Variants in RPS6KC1 observed in about 807,000 individuals in gnomAD.
RPS6KC1 encodes inactive ribosomal protein S6 kinase delta-1.
A neutral mutation model predicts 103.8 loss-of-function variants in RPS6KC1; 54 were observed. The observed-to-expected ratio is 0.52, with a 90% confidence interval of 0.42 to 0.65. RPS6KC1 has a LOEUF of 0.65. RPS6KC1 is among the 30% of genes least tolerant of loss of function. The probability of loss-of-function intolerance (pLI) is 0.00; values close to 1 mark genes in which losing one functional copy is unlikely to be tolerated. For missense variants in RPS6KC1, 1,151 were observed against 1,253.8 expected, an observed-to-expected ratio of 0.92 and a Z score of 1.24; for synonymous variants, 439 against 438.7, an observed-to-expected ratio of 1.00 and a Z score of -0.01.
At chr1:213,111,032 T>TA (rs1405738897) in intron 4 of RPS6KC1, among the ~76,000 whole-genome samples, 1 of 152,058 alleles carries the variant, frequency 6.6e-6, no homozygotes, top group African/African-American at 2.4e-5. Flanking sequence ...GCCTTGCCCT[T>TA]ATATAATTAC....
intron 2 of RPS6KC1, among the ~76,000 whole-genome samples, chr1:213,075,996 G>A (rs529376232): frequency 5.3e-5 from 8 of 152,096 alleles, no homozygotes; most frequent in East Asian, 1.9e-4. Flanking sequence ...TTTTCAAGCC[G>A]TCTTATGATG....
the RPS6KC1 span, among the ~76,000 whole-genome samples, chr1:213,525,593 C>T: frequency 1.3e-5 from 2 of 152,086 alleles, no homozygotes; most frequent in Non-Finnish European, 2.9e-5. Context: ...CCTTCAGACT[C>T]TGCCATACTT....
the RPS6KC1 span, among the ~76,000 whole-genome samples, chr1:213,793,311 C>A: frequency 2.6e-5 from 4 of 152,228 alleles, no homozygotes; most frequent in East Asian, 7.7e-4. Context: ...AAACTCCTCT[C>A]AAAGACACCT....
At position 213,273,940 on chromosome 1, in the gene RPS6KC1, G is replaced by A. The variant is rs1375856321; in HGVS notation, c.*1306G>A. Reference sequence around the variant, plus strand: ...GTTCTAATCTTCTTTGCATTTTTGAGATCTGTGTGAGAGCCCAACCCCACT... The same window carrying A: ...GTTCTAATCTTCTTTGCATTTTTGAAATCTGTGTGAGAGCCCAACCCCACT... On this transcript the variant is annotated 3_prime_UTR_variant, in exon 15 of 15. Coordinates refer to ENST00000366960, the MANE Select transcript of RPS6KC1 (RefSeq NM_012424.6). 1 of 152,000 alleles carries A rather than the reference G, an allele frequency of 6.6e-6. No individual in the cohort carries two copies. The highest frequency in any genetic ancestry group is 1.5e-5 in the Non-Finnish European group (1 of 68,022). 9.4% of individuals were successfully genotyped at this position (152,000 alleles called of 1,614,324 possible).
chr1:213,242,357 A>G (rs2094376308), intron 11 of RPS6KC1, 60 bp downstream of exon 11: 6 of 1,569,864 alleles, frequency 3.8e-6, no homozygotes, highest in African/African-American at 1.4e-5. Context: ...TTAACTGAGT[A>G]GGCGTTTTAT....
At chr1:213,417,809 C>T in the RPS6KC1 span, among the ~76,000 whole-genome samples, 1 of 152,178 alleles carries the variant, frequency 6.6e-6, no homozygotes, top group Non-Finnish European at 1.5e-5. Flanking sequence ...ATAGAACACA[C>T]ACAGGTGAGT....
chr1:213,314,837 T>G, the RPS6KC1 span, among the ~76,000 whole-genome samples: 5 of 152,182 alleles, frequency 3.3e-5, no homozygotes, highest in African/African-American at 9.7e-5. Flanking sequence ...GAGGGATTTT[T>G]TTTAAGGACT....
chr1:213,722,790 T>C, the RPS6KC1 span, among the ~76,000 whole-genome samples: 2 of 152,188 alleles, frequency 1.3e-5, no homozygotes, highest in South Asian at 4.1e-4. Flanking sequence ...CTGTGGACTC[T>C]GCCATTTCGA....
the RPS6KC1 span, among the ~76,000 whole-genome samples, chr1:213,590,497 G>A: frequency 5.3e-5 from 8 of 152,326 alleles, no homozygotes; most frequent in East Asian, 5.8e-4. Context: ...GACAGAAGTG[G>A]TTTTGGCTGA....
chr1:213,144,073 C>T (rs1272122741), intron 6 of RPS6KC1, among the ~76,000 whole-genome samples: 1 of 151,952 alleles, frequency 6.6e-6, no homozygotes, highest in East Asian at 1.9e-4. Context: ...AGGATAATTG[C>T]CCTATATCAA....
chr1:213,722,160 AGAAGGCTACATGAG>A, the RPS6KC1 span, among the ~76,000 whole-genome samples: 1 of 152,122 alleles, frequency 6.6e-6, no homozygotes, highest in Non-Finnish European at 1.5e-5. Flanking sequence ...CTAACTCACC[AGAAGGCTACATGAG>A]GGTTTGGGCA....
At chr1:213,538,780 T>G in the RPS6KC1 span, among the ~76,000 whole-genome samples, 1 of 152,092 alleles carries the variant, frequency 6.6e-6, no homozygotes, top group South Asian at 2.1e-4. Flanking sequence ...GGGAGATAGA[T>G]AGACATTAAG....
chr1:213,627,862 A>G, the RPS6KC1 span, among the ~76,000 whole-genome samples: 1 of 152,224 alleles, frequency 6.6e-6, no homozygotes, highest in African/African-American at 2.4e-5. Context: ...GATGTTCATC[A>G]GGGATATTGC....
the RPS6KC1 span, chr1:213,817,740 T>C: frequency 2.6e-5 from 4 of 152,246 alleles, no homozygotes; most frequent in African/African-American, 4.8e-5. Flanking sequence ...ATAATTGAAG[T>C]TCAGGCAGAC....
chr1:213,690,811 C>T, the RPS6KC1 span, among the ~76,000 whole-genome samples: 352 of 152,230 alleles, frequency 2.3e-3, 1 homozygote, highest in Non-Finnish European at 3.6e-3. Context: ...GCAATTGAAA[C>T]ACTTGCACAG....
chr1:213,479,526 T>A, the RPS6KC1 span, among the ~76,000 whole-genome samples: 1 of 152,066 alleles, frequency 6.6e-6, no homozygotes, highest in Non-Finnish European at 1.5e-5. Context: ...TTTTCTCATT[T>A]GTTAACTGCC....
intron 1 of RPS6KC1, among the ~76,000 whole-genome samples, chr1:213,062,797 C>A (rs1372840007): frequency 3.3e-5 from 5 of 152,158 alleles, no homozygotes; most frequent in Non-Finnish European, 5.9e-5. Context: ...TTGTGATCCG[C>A]CAGCCTCGGC....
At chr1:213,270,435 T>G (rs2095020511) in intron 14 of RPS6KC1, among the ~76,000 whole-genome samples, 1 of 152,140 alleles carries the variant, frequency 6.6e-6, no homozygotes, top group South Asian at 2.1e-4. Context: ...TAAAGTAGAT[T>G]TCCTTAAAAT....
chr1:213,530,065 A>ATTG, the RPS6KC1 span, among the ~76,000 whole-genome samples: 12 of 149,058 alleles, frequency 8.1e-5, 1 homozygote, highest in Middle Eastern at 3.5e-3. Flanking sequence ...TATTATTATT[A>ATTG]TTATACGATA....
Sources: allele counts gnomAD v4.1 joint callset (sites outside exome capture counted in the v4.1 genomes callset), GRCh38; gene constraint gnomAD v4.1.1; transcripts MANE v1.5; gene names NCBI Gene and HGNC (gene_info 2026-07-23, HGNC 2026-07-21).